The following CRACDL variants were observed in gnomAD, a reference collection of about 807,000 sequenced individuals.
The protein encoded by CRACDL is CRACD-like protein.
CRACDL carries 26 observed loss-of-function variants against 70.6 expected under a neutral mutation model. That is an observed-to-expected ratio of 0.37 (90% CI 0.27 to 0.51). The LOEUF is 0.51. Ranked by LOEUF, CRACDL falls within the 20% of genes least tolerant of loss-of-function variation. CRACDL has a pLI of 0.94. For missense variants in CRACDL, 1,283 were observed against 1,376.9 expected (o/e 0.93, Z 1.08); for synonymous variants, 618 against 615.2 (o/e 1.00, Z -0.07).
chr2:98,864,864 CA>C (rs1175099330), intron 1 of CRACDL, among the ~76,000 whole-genome samples: 1 of 152,172 alleles, frequency 6.6e-6, no homozygotes, highest in Non-Finnish European at 1.5e-5. Context: ...ACATTTTAAA[CA>C]GGTGAACTTT....
Position 98,822,279 on chromosome 2 carries a change from T to C in CRACDL, c.1994A>G (p.Glu665Gly). 6.3e-7 allele frequency: 1 copy of C among 1,574,852 alleles called. No homozygotes were observed. The highest frequency in any genetic ancestry group is 8.6e-7 in the Non-Finnish European group (1 of 1,168,954). ...QEAAAAPGTR[E>G]PCPAAQEPAP... ...CGGCTCCTGGGCGGCTGGGCAGGGCTCTCTCGTGCCGGGCGCGGCGGCCGC... is the reference window on the plus strand; with the variant it reads ...CGGCTCCTGGGCGGCTGGGCAGGGCCCTCTCGTGCCGGGCGCGGCGGCCGC... The change falls in exon 7 of 10, where the codon GAG (glutamate) becomes GGG (glycine). Residue 665 changes from glutamate to glycine, a missense_variant. This residue lies in a region of CRACDL where 921 missense variants were observed against 881.9 expected (regional missense o/e 1.04). Coordinates refer to ENST00000397899, the MANE Select transcript of CRACDL (RefSeq NM_207362.3). This position sits in a 1 kb window ranked among gnomAD's most constrained non-coding sequence, Gnocchi z 4.9.
intron 1 of CRACDL, among the ~76,000 whole-genome samples, chr2:98,918,539 CAAAAAAAAAAA>C (rs58312556): frequency 0.017 from 1,140 of 66,358 alleles, 22 homozygotes; most frequent in Middle Eastern, 0.12. Context: ...TGTTGTCTAC[CAAAAAAAAAAA>C]AAAAAAAAAA....
intron 1 of CRACDL, among the ~76,000 whole-genome samples, chr2:98,925,557 A>C (rs1708891487): frequency 6.6e-6 from 1 of 152,182 alleles, no homozygotes; most frequent in African/African-American, 2.4e-5. Flanking sequence ...CACAGCACGC[A>C]CAGGCAGAGG....
At chr2:98,846,508 C>G (rs1035433208) in intron 2 of CRACDL, among the ~76,000 whole-genome samples, 1 of 152,174 alleles carries the variant, frequency 6.6e-6, no homozygotes, top group African/African-American at 2.4e-5. Context: ...TGAAAGGTCC[C>G]CGTGCTTGAC....
rs752367709 is a variant in CRACDL at position 98,823,122 on chromosome 2, G to A, written c.1151C>T (p.Ala384Val). The change falls in exon 7 of 10, where the codon GCC becomes GTC. Residue 384 changes from alanine (A) to valine (V), a missense_variant. Coordinates refer to ENST00000397899, the MANE Select transcript of CRACDL (RefSeq NM_207362.3). This position sits in a 1 kb window ranked among gnomAD's most constrained non-coding sequence, Gnocchi z 4.0. ...GACCACCTCCTCCGCCTTGTCCGTG[G>A]CCGGGGCACACGGGCCTGCGGGGGG... ...EAPPAGPCAP[A>V]TDKAEEVVCA... The A allele has an allele frequency of 4.4e-6, 7 of 1,573,180 alleles. No individual in the cohort carries two copies. In the South Asian group the frequency reaches 4.6e-5, roughly 10 times the overall value.
At position 98,823,088 on chromosome 2, in the gene CRACDL, G is replaced by T. The variant is rs766214701; in HGVS notation, c.1185C>A (p.Pro395=). Residue 395 remains proline, a synonymous_variant, in exon 7 of 10, where the codon CCC becomes CCA. Coordinates refer to ENST00000397899, the MANE Select transcript of CRACDL (RefSeq NM_207362.3). The surrounding 1 kb of genome is among the most constrained non-coding windows in gnomAD (Gnocchi z 4.0). ...TGGGAAACGGGCTCGCGACGTCTTCGGGAGCACAGACCACCTCCTCCGCCT... is the reference window on the plus strand; with the variant it reads ...TGGGAAACGGGCTCGCGACGTCTTCTGGAGCACAGACCACCTCCTCCGCCT... ...TDKAEEVVCA[P]EDVASPFPTA... is the part of the protein sequence containing the mutation. 17 of 1,577,686 alleles carry T rather than the reference G, an allele frequency of 1.1e-5. No individual in the cohort carries two copies. The highest frequency in any genetic ancestry group is 1.4e-5 in the Non-Finnish European group (16 of 1,165,032).
intron 1 of CRACDL, among the ~76,000 whole-genome samples, chr2:98,915,729 C>T (rs1708648406): frequency 6.6e-6 from 1 of 152,220 alleles, no homozygotes; most frequent in African/African-American, 2.4e-5. Context: ...ATGAGTGACA[C>T]GTGGAAGTTA....
chr2:98,841,232 T>G (rs186227079), intron 2 of CRACDL, among the ~76,000 whole-genome samples: 110 of 152,278 alleles, frequency 7.2e-4, no homozygotes, highest in Non-Finnish European at 1.3e-3. Context: ...CTAATAATCT[T>G]TAACTCTTAA....
chr2:98,935,669 CA>C (rs913819238), intron 1 of CRACDL, among the ~76,000 whole-genome samples: 1 of 152,202 alleles, frequency 6.6e-6, no homozygotes, highest in Admixed American at 6.5e-5. Flanking sequence ...ATTTGCCTCA[CA>C]GTGGAAAGTT....
At chr2:98,804,640 T>C (rs1246814262) in intron 7 of CRACDL, among the ~76,000 whole-genome samples, 1 of 152,216 alleles carries the variant, frequency 6.6e-6, no homozygotes, top group African/African-American at 2.4e-5. Flanking sequence ...TGCTGTCTAA[T>C]GTTCCTAAGC....
At chr2:98,803,442 G>T (rs1224618483) in intron 7 of CRACDL, among the ~76,000 whole-genome samples, 1 of 152,178 alleles carries the variant, frequency 6.6e-6, no homozygotes, top group Non-Finnish European at 1.5e-5. Flanking sequence ...CCGGCCTGAT[G>T]CAGCAATTTT....
chr2:98,867,981 G>A (rs1402784674), intron 1 of CRACDL, among the ~76,000 whole-genome samples: 2 of 152,070 alleles, frequency 1.3e-5, no homozygotes, highest in Non-Finnish European at 2.9e-5. Context: ...TTTTTCAGTA[G>A]GAAATAATGC....
At chr2:98,853,015 G>GGGGAAGGGAAGGGAAA (rs1456522556) in intron 1 of CRACDL, among the ~76,000 whole-genome samples, 2 of 128,862 alleles carry the variant, frequency 1.6e-5, no homozygotes, top group South Asian at 3.2e-4. Flanking sequence ...GGGGAGGGGA[G>GGGGAAGGGAAGGGAAA]GGGAAGGGAA....
chr2:98,836,926 C>T (rs1184134427), intron 3 of CRACDL, among the ~76,000 whole-genome samples: 1 of 151,572 alleles, frequency 6.6e-6, no homozygotes, highest in African/African-American at 2.4e-5. Flanking sequence ...GCTGAAAATA[C>T]AAAAAAAATT....
intron 7 of CRACDL, among the ~76,000 whole-genome samples, chr2:98,813,684 A>G (rs1188392532): frequency 2.0e-5 from 3 of 152,206 alleles, no homozygotes; most frequent in Admixed American, 6.5e-5. Context: ...GAGAGTCTAT[A>G]GTTTTCTGTA....
chr2:98,928,850 G>A (rs1708996709), intron 1 of CRACDL, among the ~76,000 whole-genome samples: 1 of 152,186 alleles, frequency 6.6e-6, no homozygotes, highest in African/African-American at 2.4e-5. Flanking sequence ...ATTTCAGAAT[G>A]TGATTTCCAA....
At chr2:98,856,740 A>G (rs904945886) in intron 1 of CRACDL, among the ~76,000 whole-genome samples, 2 of 152,154 alleles carry the variant, frequency 1.3e-5, no homozygotes, top group African/African-American at 4.8e-5. Context: ...AAAACTTCAT[A>G]TTTTCCTGAT....
At chr2:98,894,928 A>G (rs1460279974) in intron 1 of CRACDL, among the ~76,000 whole-genome samples, 2 of 152,096 alleles carry the variant, frequency 1.3e-5, no homozygotes, top group Non-Finnish European at 1.5e-5. Context: ...CAACATAGCA[A>G]GAGCTCAACT....
intron 7 of CRACDL, among the ~76,000 whole-genome samples, chr2:98,809,132 G>A (rs924958826): frequency 1.3e-5 from 2 of 152,170 alleles, no homozygotes; most frequent in African/African-American, 4.8e-5. Flanking sequence ...GCCTCTGGGC[G>A]AAGTGAGGCT....
Sources: allele counts gnomAD v4.1 joint callset (sites outside exome capture counted in the v4.1 genomes callset), GRCh38; gene constraint gnomAD v4.1.1; regional missense constraint gnomAD v4.1.1; non-coding constraint Gnocchi (gnomAD v3.1); transcripts MANE v1.5; gene names NCBI Gene and HGNC (gene_info 2026-07-23, HGNC 2026-07-21).